Variants in ANK2 observed in about 807,000 individuals in gnomAD.
ANK2 encodes ankyrin 2, also known as ankyrin-2.
ANK2 carries 83 observed loss-of-function variants against 360.5 expected under a neutral mutation model. The observed-to-expected ratio is 0.23, with a 90% CI of 0.19 to 0.28. The LOEUF is 0.28. ANK2 is among the 10% of genes least tolerant of loss of function. The pLI is 1.00. For missense variants in ANK2, 4,201 were observed against 4,795.7 expected (o/e 0.88, Z 3.66); for synonymous variants, 1,740 against 1,759.5 (o/e 0.99, Z 0.28).
At chr4:112,909,068 G>A (rs1042803293) in intron 2 of ANK2, among the ~76,000 whole-genome samples, 1 of 152,148 alleles carries the variant, frequency 6.6e-6, no homozygotes, top group African/African-American at 2.4e-5. Context: ...AGAAAATAGC[G>A]AAGACTAAAC....
In ANK2 at chr4:112,857,646, G is replaced by A. The variant is rs150558975; in HGVS notation, c.-40+39382G>A. Among the ~76,000 whole-genome samples the A allele has an allele frequency of 5.4e-3, 826 of 152,304 alleles. 14 individuals are homozygous for A. Among genetic ancestry groups the A allele is most frequent in the African/African-American group, 0.019 (770 of 41,574 alleles). The stretch of plus-strand genomic sequence containing the variant: ...AGAAATAACATGTTACTATGCTGCA[G>A]TGATTCACCTCCTGCTGATGAGTCA... On this transcript the variant is annotated intron_variant, in intron 1 of 30. Coordinates refer to the ANK2 transcript ENST00000503271.
intron 1 of ANK2, among the ~76,000 whole-genome samples, chr4:113,074,820 A>T (rs2079186547): frequency 6.6e-6 from 1 of 152,198 alleles, no homozygotes; most frequent in South Asian, 2.1e-4. Flanking sequence ...TTAATATGTA[A>T]TTTCAGCTAG....
At chr4:112,782,303 A>G in the ANK2 span, among the ~76,000 whole-genome samples, 1 of 152,198 alleles carries the variant, frequency 6.6e-6, no homozygotes, top group Non-Finnish European at 1.5e-5. Flanking sequence ...TTGAGTCATT[A>G]TACTATTCTC....
At position 113,363,573 on chromosome 4, in the gene ANK2, A is replaced by T. The variant is rs1178740659; in HGVS notation, c.10888+104A>T. ...AATAGTAAAGAAGCAAATGCCATTA[A>T]TCTGCAGTACAGTGGGTCCTTGAGT... On this transcript the variant is annotated intron_variant, in intron 40 of 45. Transcript: ENST00000357077. 5 of 1,268,966 alleles carry T rather than the reference A, an allele frequency of 3.9e-6. No homozygotes were observed. In the East Asian group the frequency reaches 1.2e-4, roughly 30 times the overall value. 78.6% of individuals were successfully genotyped at this position (1,268,966 alleles called of 1,614,324 possible).
chr4:113,136,248 T>A (rs770218968), intron 1 of ANK2, among the ~76,000 whole-genome samples: 1 of 152,218 alleles, frequency 6.6e-6, no homozygotes, highest in Non-Finnish European at 1.5e-5. Context: ...CTGATGGCTC[T>A]GTGTCCACAG....
rs751370687 is a variant in ANK2 at position 113,258,158 on chromosome 4, T to C, written c.1287+10T>C. On this transcript the variant is annotated intron_variant, in intron 12 of 45. Coordinates refer to ENST00000357077, the MANE Select transcript of ANK2 (RefSeq NM_001148.6). Reference sequence around the variant, plus strand: ...CCAAGCTATAACAGAGGTAGAAAAATGTTTTAGCTAGTCACAAAGCATTCC... The same window carrying C: ...CCAAGCTATAACAGAGGTAGAAAAACGTTTTAGCTAGTCACAAAGCATTCC... 79 of 1,605,582 alleles carry C rather than the reference T, an allele frequency of 4.9e-5. No individual in the cohort carries two copies. The highest frequency in any genetic ancestry group is 6.2e-5 in the Non-Finnish European group (73 of 1,172,462).
chr4:112,800,667 C>A, the ANK2 span, among the ~76,000 whole-genome samples: 2 of 152,166 alleles, frequency 1.3e-5, no homozygotes, highest in Admixed American at 6.5e-5. Flanking sequence ...CTTTTCTTTT[C>A]TTTTTTGAGA....
At chr4:113,124,977 A>G (rs2095578232) in intron 1 of ANK2, among the ~76,000 whole-genome samples, 2 of 152,154 alleles carry the variant, frequency 1.3e-5, no homozygotes, top group South Asian at 2.1e-4. Context: ...TTAAAAAAAA[A>G]TCAGAGATAT....
chr4:113,000,440 A>G (rs960235017), intron 2 of ANK2, among the ~76,000 whole-genome samples: 2 of 152,214 alleles, frequency 1.3e-5, no homozygotes, highest in Non-Finnish European at 2.9e-5. Flanking sequence ...GCTCAAAATA[A>G]TTCTTATCCC....
intron 45 of ANK2, among the ~76,000 whole-genome samples, chr4:113,380,093 T>C (rs17045991): frequency 0.026 from 4,016 of 152,238 alleles, 194 homozygotes; most frequent in African/African-American, 0.091. Context: ...TTCAATTTCT[T>C]TATTTGTTAT....
At chr4:113,030,538 A>G (rs1220530646) in intron 2 of ANK2, among the ~76,000 whole-genome samples, 1 of 152,092 alleles carries the variant, frequency 6.6e-6, no homozygotes, top group South Asian at 2.1e-4. Context: ...AATCCTATAC[A>G]GAAAAGTGTG....
intron 2 of ANK2, among the ~76,000 whole-genome samples, chr4:112,947,441 T>TGACTGAAATTTGCAC (rs1258801497): frequency 6.6e-6 from 1 of 152,134 alleles, no homozygotes; most frequent in Admixed American, 6.5e-5. Context: ...AGAGAGAAGA[T>TGACTGAAATTTGCAC]GACTGAAATT....
chr4:113,361,860 C>A (rs1243231064), intron 39 of ANK2, among the ~76,000 whole-genome samples: 1 of 151,854 alleles, frequency 6.6e-6, no homozygotes, highest in African/African-American at 2.4e-5. Flanking sequence ...TGTATCCATA[C>A]CTACATAGTA....
At chr4:112,757,230 T>G in the ANK2 span, among the ~76,000 whole-genome samples, 2 of 151,516 alleles carry the variant, frequency 1.3e-5, no homozygotes, top group Non-Finnish European at 2.9e-5. Flanking sequence ...CTCCTGCCTC[T>G]GCCTCTCGAG....
At chr4:113,201,264 T>C (rs1184908589) in intron 4 of ANK2, among the ~76,000 whole-genome samples, 1 of 152,192 alleles carries the variant, frequency 6.6e-6, no homozygotes, top group Non-Finnish European at 1.5e-5. Flanking sequence ...CAAACTTTAG[T>C]CTGCATCATA....
intron 1 of ANK2, among the ~76,000 whole-genome samples, chr4:112,822,251 A>G (rs976126793): frequency 1.3e-5 from 2 of 149,416 alleles, no homozygotes; most frequent in African/African-American, 4.9e-5. Flanking sequence ...AAAAAAAAAA[A>G]AAAAAAAAAA....
chr4:113,077,527 C>A (rs1580911665), intron 1 of ANK2, among the ~76,000 whole-genome samples: 1 of 152,142 alleles, frequency 6.6e-6, no homozygotes, highest in Non-Finnish European at 1.5e-5. Flanking sequence ...CTAAATGAAC[C>A]TTTTTAACAT....
At chr4:113,242,077 C>G (rs781659040) in intron 8 of ANK2, 34 bp from the exon 9 acceptor site, 1 of 1,567,898 alleles carries the variant, frequency 6.4e-7, no homozygotes, top group Admixed American at 1.7e-5. Context: ...CCTGTCATAC[C>G]CAACAGCTCT....
intron 2 of ANK2, among the ~76,000 whole-genome samples, chr4:112,960,078 G>T (rs1328512291): frequency 6.6e-6 from 1 of 152,158 alleles, no homozygotes; most frequent in Non-Finnish European, 1.5e-5. Flanking sequence ...AAATAGCCAA[G>T]GTAGAGACAA....
Sources: gnomAD v4.1 joint callset for allele counts (sites outside exome capture counted in the v4.1 genomes callset) on GRCh38, gnomAD v4.1.1 for gene constraint, MANE v1.5 for transcripts, NCBI Gene and HGNC (gene_info 2026-07-23, HGNC 2026-07-21) for gene names.